MGAT5B: variants seen among roughly 807,000 people sequenced by gnomAD.
MGAT5B encodes N-acetylglucosaminyl-transferase Vb.
In MGAT5B, 54 loss-of-function variants were observed where a neutral mutation model predicts 95.1. The ratio of observed to expected loss-of-function variants is 0.57; its 90% CI spans 0.46 to 0.71. The LOEUF (loss-of-function observed/expected upper bound fraction) is 0.71. MGAT5B is among the 30% of genes least tolerant of loss of function. The probability of loss-of-function intolerance (pLI) is 0.00; values close to 1 mark genes in which losing one functional copy is unlikely to be tolerated. For synonymous variants in MGAT5B, 464 were observed against 451.0 expected, an observed-to-expected ratio of 1.03 and a Z score of -0.36; for missense variants, 935 against 1,088.6, an observed-to-expected ratio of 0.86 and a Z score of 1.99.
intron 8 of MGAT5B, among the ~76,000 whole-genome samples, chr17:76,913,041 T>A (rs1203414545): frequency 6.6e-6 from 1 of 152,198 alleles, no homozygotes; most frequent in African/African-American, 2.4e-5. Context: ...TGAAATTGGG[T>A]TTAGTAGAAA....
At chr17:76,932,817 G>A in intron 11 of MGAT5B, 42 bp downstream of exon 11, 1 of 1,606,446 alleles carries the variant, frequency 6.2e-7, no homozygotes. Flanking sequence ...AGCCTGCTCG[G>A]CACAGGCCCC....
rs186575675 is a variant in MGAT5B at position 76,914,889 on chromosome 17, C to T, written c.1025+8702C>T. Among the ~76,000 whole-genome samples the T allele has an allele frequency of 1.4e-3, 218 of 152,312 alleles. No individual in the cohort carries two copies. The highest frequency in any genetic ancestry group is 4.6e-3 in the African/African-American group (193 of 41,570). On this transcript the variant is annotated intron_variant, in intron 8 of 17. Transcript: ENST00000569840. The surrounding 1 kb of genome is among the most constrained non-coding windows in gnomAD (Gnocchi z 5.1). Reference sequence around the variant, plus strand: ...CTGACCTCAGGTGTTCCACCCACCTCGGCCTCCCAAAGTGCTGGGATTACA... The same window carrying T: ...CTGACCTCAGGTGTTCCACCCACCTTGGCCTCCCAAAGTGCTGGGATTACA...
chr17:76,933,337 C>T (rs746996049), intron 12 of MGAT5B, 40 bp downstream of exon 12: 1 of 1,597,542 alleles, frequency 6.3e-7, no homozygotes, highest in South Asian at 1.1e-5. Flanking sequence ...CTACCCTCTG[C>T]TCCCTTCCCC....
intron 1 of MGAT5B, among the ~76,000 whole-genome samples, chr17:76,872,164 G>A (rs993192937): frequency 1.3e-4 from 20 of 152,122 alleles, no homozygotes; most frequent in African/African-American, 3.1e-4. Context: ...GACCCTGGGC[G>A]TGCCTGCCTA....
At chr17:76,909,736 T>C (rs1039048114) in intron 8 of MGAT5B, among the ~76,000 whole-genome samples, 2 of 151,998 alleles carry the variant, frequency 1.3e-5, no homozygotes, top group African/African-American at 4.8e-5. Context: ...CTGTATTGAG[T>C]AGTGGGAGAA....
chr17:76,923,967 A>C (rs1312603467), intron 8 of MGAT5B: 1 of 152,164 alleles, frequency 6.6e-6, no homozygotes, highest in Non-Finnish European at 1.5e-5. Flanking sequence ...GGGGCTCGGC[A>C]TAGACTTAAC....
intron 8 of MGAT5B, among the ~76,000 whole-genome samples, chr17:76,908,662 A>C (rs1416172746): frequency 6.6e-6 from 1 of 152,180 alleles, no homozygotes; most frequent in Non-Finnish European, 1.5e-5. Context: ...ACATGCATCC[A>C]ATGTGTAATG....
At chr17:76,904,915 C>G (rs531381900) in intron 6 of MGAT5B, among the ~76,000 whole-genome samples, 2 of 152,340 alleles carry the variant, frequency 1.3e-5, no homozygotes, top group Non-Finnish European at 2.9e-5. Flanking sequence ...GGCTGGGAAC[C>G]TGGAAACTGC....
At chr17:76,910,736 G>A (rs1405345270) in intron 8 of MGAT5B, among the ~76,000 whole-genome samples, 2 of 152,218 alleles carry the variant, frequency 1.3e-5, no homozygotes, top group Non-Finnish European at 2.9e-5. Context: ...GTGCTCCAGG[G>A]AGAGGTTGCC....
At chr17:76,880,681 C>G (rs1029726965) in intron 2 of MGAT5B, among the ~76,000 whole-genome samples, 16 of 152,330 alleles carry the variant, frequency 1.1e-4, no homozygotes, top group African/African-American at 3.8e-4. Flanking sequence ...CCTGGTCACA[C>G]AGGGGTCAGC....
At position 76,882,412 on chromosome 17, in the gene MGAT5B, A is replaced by G. The variant is rs1468741294; in HGVS notation, c.329+114A>G. ...TGAATCTGGAGAAGATTTGGACCAC[A>G]CTGTGGTACAGCCCAGAGTGCATTT... On this transcript the variant is annotated intron_variant, in intron 3 of 17. Transcript: ENST00000569840. The G allele has an allele frequency of 3.1e-6, 4 of 1,309,630 alleles. No homozygotes were observed. The African/African-American group carries it at 5.9e-5, about 19-fold the overall frequency. 81.1% of individuals were successfully genotyped at this position (1,309,630 alleles called of 1,614,324 possible).
Position 76,905,928 on chromosome 17 carries a change from T to C in MGAT5B, c.856-90T>C. The C allele has an allele frequency of 7.1e-7, 1 of 1,405,474 alleles. No individual in the cohort carries two copies. Among genetic ancestry groups the C allele is most frequent in the Admixed American group, 2.5e-5 (1 of 40,600 alleles). The allele number at this position is 1,405,474 out of a possible 1,614,324, so 87.1% of individuals were successfully genotyped here. ...GGCCCAGCCTGGAGACAGGGTCTGCTGCCGGCTGGTCTCCTGGCCGGTGCC... is the reference window on the plus strand; with the variant it reads ...GGCCCAGCCTGGAGACAGGGTCTGCCGCCGGCTGGTCTCCTGGCCGGTGCC... On this transcript the variant is annotated intron_variant, in intron 7 of 17. Coordinates refer to ENST00000569840, the MANE Select transcript of MGAT5B (RefSeq NM_001199172.2). This position sits in a 1 kb window ranked among gnomAD's most constrained non-coding sequence, Gnocchi z 4.2.
At chr17:76,944,253 G>A (rs1309474442) in intron 15 of MGAT5B, 1 of 152,218 alleles carries the variant, frequency 6.6e-6, no homozygotes, top group Non-Finnish European at 1.5e-5. Context: ...CGTCGTCGTC[G>A]TCGTTGGCCG....
intron 5 of MGAT5B, among the ~76,000 whole-genome samples, chr17:76,903,715 A>G (rs641233): frequency 0.13 from 20,398 of 152,102 alleles, 1,780 homozygotes; most frequent in African/African-American, 0.22. Flanking sequence ...TGGGGCCACC[A>G]CTGGCTGCAT....
At chr17:76,929,593 G>C (rs1308368888) in intron 10 of MGAT5B, among the ~76,000 whole-genome samples, 1 of 152,168 alleles carries the variant, frequency 6.6e-6, no homozygotes, top group Admixed American at 6.5e-5. Context: ...CAATCTCTCT[G>C]GAGCCAACCT....
At position 76,897,705 on chromosome 17, in the gene MGAT5B, CTTTCTTTCTTTCTTTCTTTCTTTTTCTT is replaced by C. The variant is rs1324000295; in HGVS notation, c.330-4846_330-4819del. On this transcript the variant is annotated intron_variant, in intron 3 of 17. Transcript: ENST00000569840. ...TCTTTCTTTCTTTCTTTCTTTCTTTCTTTCTTTCTTTCTTTCTTTCTTTTTCTTTTTTTTTTTTTTTTTTGGTTTATTA... is the reference window on the plus strand; with the variant it reads ...TCTTTCTTTCTTTCTTTCTTTCTTTCTTTTTTTTTTTTTTTTGGTTTATTA... Among the ~76,000 whole-genome samples the C allele has an allele frequency of 2.2e-4, 21 of 96,170 alleles. 1 individual carries two copies. Among genetic ancestry groups the C allele is most frequent in the African/African-American group, 1.0e-3 (19 of 18,466 alleles). The allele number at this position is 96,170 out of a possible 152,430, so 63.1% of individuals were successfully genotyped here.
intron 8 of MGAT5B, among the ~76,000 whole-genome samples, chr17:76,921,642 G>A (rs759409088): frequency 2.4e-4 from 37 of 152,066 alleles, no homozygotes; most frequent in Non-Finnish European, 5.3e-4. Flanking sequence ...GATCCTGGGG[G>A]GCGCAGGGTG....
rs143739921 is a variant in MGAT5B, at chr17:76,869,853, T to G, written c.68+756T>G. On this transcript the variant is annotated intron_variant, in intron 1 of 17. Transcript: ENST00000569840. This position sits in a 1 kb window ranked among gnomAD's most constrained non-coding sequence, Gnocchi z 7.0. ...AGGCAGGGCTGGGGCCGCGCGGGAC[T>G]CACTGGACCCAGCCAGGGGCCCCCA... 0.027 allele frequency among the ~76,000 whole-genome samples: 4,142 copies of G among 152,092 alleles called. 181 individuals are homozygous for G. Among genetic ancestry groups the G allele is most frequent in the African/African-American group, 0.095 (3,933 of 41,516 alleles).
intron 8 of MGAT5B, chr17:76,913,718 G>A (rs1208252422): frequency 2.0e-6 from 1 of 509,356 alleles, no homozygotes; most frequent in South Asian, 1.4e-5. Context: ...TGGAGTCATG[G>A]GTGCCTGTGA....
Sources: allele counts gnomAD v4.1 joint callset (sites outside exome capture counted in the v4.1 genomes callset), GRCh38; gene constraint gnomAD v4.1.1; non-coding constraint Gnocchi (gnomAD v3.1); transcripts MANE v1.5; gene names NCBI Gene and HGNC (gene_info 2026-07-23, HGNC 2026-07-21).